HS3ST5: variants seen among roughly 807,000 people sequenced by gnomAD.
HS3ST5 encodes the protein heparan sulfate-glucosamine 3-sulfotransferase 5, also known as heparan sulfate glucosamine 3-O-sulfotransferase 5.
A neutral mutation model predicts 25.4 loss-of-function variants in HS3ST5; 10 were observed. The observed-to-expected ratio is 0.39, with a 90% CI of 0.24 to 0.67. The LOEUF (loss-of-function observed/expected upper bound fraction) is 0.67, where lower values mean the gene tolerates loss of function less well. Ranked by LOEUF, HS3ST5 falls within the 30% of genes least tolerant of loss-of-function variation. HS3ST5 has a pLI of 0.44. For synonymous variants in HS3ST5, 170 were observed against 162.4 expected, an observed-to-expected ratio of 1.05 and a Z score of -0.36; for missense variants, 324 against 420.7, an observed-to-expected ratio of 0.77 and a Z score of 2.01.
intron 3 of HS3ST5, among the ~76,000 whole-genome samples, chr6:114,090,206 T>G (rs2114791266): frequency 6.6e-6 from 1 of 152,334 alleles, no homozygotes; most frequent in East Asian, 1.9e-4. Flanking sequence ...TGAGGTTGCC[T>G]CACAGGAAAT....
At chr6:114,112,190 T>C (rs951603134) in intron 3 of HS3ST5, among the ~76,000 whole-genome samples, 1 of 152,144 alleles carries the variant, frequency 6.6e-6, no homozygotes, top group Non-Finnish European at 1.5e-5. Flanking sequence ...CGAAGGGGAA[T>C]TAAAGTTGCA....
intron 2 of HS3ST5, among the ~76,000 whole-genome samples, chr6:114,205,792 A>G (rs991139199): frequency 3.9e-5 from 6 of 152,168 alleles, no homozygotes; most frequent in African/African-American, 1.4e-4. Flanking sequence ...TCTCATACAG[A>G]ACAGGCAACT....
At chr6:114,064,144 A>G (rs181116981) in intron 3 of HS3ST5, among the ~76,000 whole-genome samples, 3 of 152,352 alleles carry the variant, frequency 2.0e-5, no homozygotes, top group Admixed American at 2.0e-4. Context: ...ATAGATAGCA[A>G]TGAGTCATGG....
chr6:114,193,178 A>C (rs974503372), intron 2 of HS3ST5, among the ~76,000 whole-genome samples: 7 of 152,236 alleles, frequency 4.6e-5, no homozygotes, highest in Non-Finnish European at 4.4e-5. Context: ...GGAACCCTGG[A>C]GATGAAAGCT....
intron 3 of HS3ST5, among the ~76,000 whole-genome samples, chr6:114,142,237 G>T (rs1471717502): frequency 6.6e-6 from 1 of 152,064 alleles, no homozygotes; most frequent in Non-Finnish European, 1.5e-5. Context: ...AGGGATATGA[G>T]GAGCATGCAT....
chr6:114,311,367 T>C lies in HS3ST5; in HGVS notation c.-339+30828A>G, dbSNP rs556034339. The stretch of plus-strand genomic sequence containing the variant: ...TATACCAATATGTTAAGAATGCTTA[T>C]TCTGAGTAGAACGGTTATGGTTGAT... On this transcript the variant is annotated intron_variant, in intron 1 of 4. Transcript: ENST00000312719. Among the ~76,000 whole-genome samples the C allele has an allele frequency of 1.6e-4, 24 of 152,260 alleles. No homozygotes were observed. In the South Asian group the frequency reaches 3.1e-3, roughly 20 times the overall value.
chr6:114,254,109 G>A (rs1772789089), intron 1 of HS3ST5, among the ~76,000 whole-genome samples: 1 of 152,184 alleles, frequency 6.6e-6, no homozygotes, highest in Non-Finnish European at 1.5e-5. Flanking sequence ...GAATTATGGT[G>A]CAGAGGCTCT....
chr6:114,086,696 T>G (rs1774851592), intron 3 of HS3ST5, among the ~76,000 whole-genome samples: 1 of 152,230 alleles, frequency 6.6e-6, no homozygotes, highest in Admixed American at 6.5e-5. Context: ...AATGCAGGCA[T>G]ATTTCCCTAT....
intron 3 of HS3ST5, among the ~76,000 whole-genome samples, chr6:114,129,986 T>C (rs1477615316): frequency 3.9e-5 from 6 of 152,176 alleles, no homozygotes; most frequent in South Asian, 2.1e-4. Context: ...AATCACGTAG[T>C]CTACACCTTC....
intron 3 of HS3ST5, among the ~76,000 whole-genome samples, chr6:114,075,321 C>G (rs1193637725): frequency 1.3e-5 from 2 of 152,228 alleles, no homozygotes; most frequent in African/African-American, 4.8e-5. Flanking sequence ...ACTTCAGAAT[C>G]TCACCTCCTG....
At chr6:114,097,518 G>T (rs1775496471) in intron 3 of HS3ST5, among the ~76,000 whole-genome samples, 1 of 151,724 alleles carries the variant, frequency 6.6e-6, no homozygotes, top group Admixed American at 6.6e-5. Context: ...TTTCAAATAT[G>T]TTCCAATTAT....
Position 114,303,519 on chromosome 6 carries a change from T to C in HS3ST5, c.-339+38676A>G, listed in dbSNP as rs184668271. 1.2e-3 allele frequency among the ~76,000 whole-genome samples: 179 copies of C among 152,236 alleles called. 1 individual carries two copies. The highest frequency in any genetic ancestry group is 3.8e-3 in the African/African-American group (159 of 41,542). ...TTCCACCTGATTTAAAAACAATTTT[T>C]TTTTACTTCAATATGTTAAGAACCA... is the stretch of plus-strand genomic sequence containing the variant. On this transcript the variant is annotated intron_variant, in intron 1 of 4. Coordinates refer to ENST00000312719, the MANE Select transcript of HS3ST5 (RefSeq NM_153612.4).
intron 1 of HS3ST5, among the ~76,000 whole-genome samples, chr6:114,274,522 C>T (rs1773768386): frequency 2.6e-5 from 4 of 151,932 alleles, no homozygotes; most frequent in Non-Finnish European, 5.9e-5. Context: ...TTGAATGACA[C>T]TCTTAAGCTG....
chr6:114,116,214 T>A (rs945236463), intron 3 of HS3ST5: 1 of 152,126 alleles, frequency 6.6e-6, no homozygotes, highest in African/African-American at 2.4e-5. Context: ...ATCACCATGA[T>A]AAATATCTGT....
intron 3 of HS3ST5, among the ~76,000 whole-genome samples, chr6:114,158,881 C>G (rs1778815189): frequency 6.6e-6 from 1 of 152,184 alleles, no homozygotes; most frequent in South Asian, 2.1e-4. Context: ...GCATTCAATG[C>G]TGTAATTTCA....
rs552789936 is a variant in HS3ST5, at chr6:114,181,663, A to G, written c.-144-13201T>C. Among the ~76,000 whole-genome samples, 11 of 152,358 alleles carry G rather than the reference A, an allele frequency of 7.2e-5. No individual in the cohort carries two copies. The East Asian group carries it at 1.7e-3, about 24-fold the overall frequency. ...TGTATTAAGCTGCTATTGGTGTGGT[A>G]GGAAATCCTGAAGAACACCAGAGTA... On this transcript the variant is annotated intron_variant, in intron 2 of 4. Coordinates refer to ENST00000312719, the MANE Select transcript of HS3ST5 (RefSeq NM_153612.4).
At chr6:114,146,151 C>A (rs1778153097) in intron 3 of HS3ST5, among the ~76,000 whole-genome samples, 1 of 152,136 alleles carries the variant, frequency 6.6e-6, no homozygotes, top group African/African-American at 2.4e-5. Flanking sequence ...TCTCTGTAAA[C>A]CACAGTTCTA....
At chr6:114,238,152 C>T (rs1448786473) in intron 1 of HS3ST5, among the ~76,000 whole-genome samples, 2 of 152,190 alleles carry the variant, frequency 1.3e-5, no homozygotes, top group Non-Finnish European at 2.9e-5. Context: ...GAAGACGCTG[C>T]TTGATGATTA....
chr6:114,274,742 A>C (rs893784375), intron 1 of HS3ST5, among the ~76,000 whole-genome samples: 1 of 152,050 alleles, frequency 6.6e-6, no homozygotes, highest in African/African-American at 2.4e-5. Context: ...TATGGCTTTA[A>C]GAGTGGTTGC....
Sources: gnomAD v4.1 joint callset for allele counts (sites outside exome capture counted in the v4.1 genomes callset) on GRCh38, gnomAD v4.1.1 for gene constraint, MANE v1.5 for transcripts, NCBI Gene and HGNC (gene_info 2026-07-23, HGNC 2026-07-21) for gene names.